The following PCDH11Y variants were observed in gnomAD, a reference collection of about 807,000 sequenced individuals.
The protein encoded by PCDH11Y is protocadherin-11 Y-linked.
For missense variants in PCDH11Y, 12 were observed against 224.8 expected, an observed-to-expected ratio of 0.05 and a Z score of 6.05; for synonymous variants, 9 against 83.6, an observed-to-expected ratio of 0.11 and a Z score of 4.87.
intron 4 of PCDH11Y, among the ~76,000 whole-genome samples, chrY:5,662,789 G>T: frequency 3.4e-5 from 1 of 29,557 alleles, no homozygotes; most frequent in Non-Finnish European, 8.0e-5. Context: ...TTGGTATCAG[G>T]GTCATTATTT....
chrY:5,232,260 G>A, intron 2 of PCDH11Y, among the ~76,000 whole-genome samples: 1 of 32,843 alleles, frequency 3.0e-5, no homozygotes, highest in Non-Finnish European at 7.5e-5. Context: ...CAGGAGTTTT[G>A]CCCCAGAGCC....
At chrY:5,458,130 G>A in intron 2 of PCDH11Y, among the ~76,000 whole-genome samples, 1 of 32,668 alleles carries the variant, frequency 3.1e-5, no homozygotes, top group East Asian at 8.0e-4. Flanking sequence ...GGGTCCTCAA[G>A]TTTTGGCACA....
chrY:5,046,004 T>C, intron 3 of PCDH11Y, among the ~76,000 whole-genome samples: 1 of 33,163 alleles, frequency 3.0e-5, no homozygotes, highest in African/African-American at 1.2e-4. Flanking sequence ...ATTCTAGTTA[T>C]ACATTCTTCT....
intron 4 of PCDH11Y, among the ~76,000 whole-genome samples, chrY:5,736,787 T>G (rs2124715825): frequency 3.1e-5 from 1 of 32,616 alleles, no homozygotes; most frequent in Non-Finnish European, 7.5e-5. Context: ...TTCTTGAAAC[T>G]AAGGCATATC....
intron 1 of PCDH11Y, among the ~76,000 whole-genome samples, chrY:5,014,470 A>G (rs2052557790): frequency 3.0e-5 from 1 of 33,029 alleles, no homozygotes; most frequent in East Asian, 7.8e-4. Context: ...ATGTATTAAC[A>G]TAACTATACA....
chrY:5,355,390 G>A (rs2124670827), intron 2 of PCDH11Y, among the ~76,000 whole-genome samples: 1 of 31,856 alleles, frequency 3.1e-5, no homozygotes, highest in South Asian at 7.1e-4. Flanking sequence ...CAAGCACATT[G>A]CTTTGTGATA....
At chrY:5,685,903 A>G in intron 4 of PCDH11Y, among the ~76,000 whole-genome samples, 1 of 33,844 alleles carries the variant, frequency 3.0e-5, no homozygotes, top group Non-Finnish European at 7.4e-5. Context: ...TACATATTTT[A>G]AAAGTACTAA....
At chrY:5,335,738 T>TAA (rs776144601) in intron 2 of PCDH11Y, among the ~76,000 whole-genome samples, 1 of 9,592 alleles carries the variant, frequency 1.0e-4, no homozygotes, top group East Asian at 2.7e-3. Context: ...CACCTAACGC[T>TAA]AAAAAAAAAA....
intron 4 of PCDH11Y, among the ~76,000 whole-genome samples, chrY:5,619,687 G>A: frequency 3.0e-5 from 1 of 32,855 alleles, no homozygotes; most frequent in South Asian, 6.7e-4. Flanking sequence ...TCAGACACTT[G>A]TAATAACATA....
intron 2 of PCDH11Y, among the ~76,000 whole-genome samples, chrY:5,480,789 G>A (rs2053324960): frequency 2.9e-5 from 1 of 33,924 alleles, no homozygotes; most frequent in African/African-American, 1.2e-4. Flanking sequence ...GGCCACAGCC[G>A]TTTTGCTGCA....
At chrY:5,466,747 G>A in intron 2 of PCDH11Y, among the ~76,000 whole-genome samples, 5 of 32,909 alleles carry the variant, frequency 1.5e-4, no homozygotes, top group African/African-American at 2.4e-4. Flanking sequence ...CAGTGAACTC[G>A]TGTGGCTCAT....
At chrY:5,198,217 G>A in intron 2 of PCDH11Y, among the ~76,000 whole-genome samples, 1 of 20,153 alleles carries the variant, frequency 5.0e-5, no homozygotes, top group Admixed American at 4.9e-4. Flanking sequence ...GCAGGATCTC[G>A]GCTCATTGCA....
intron 2 of PCDH11Y, among the ~76,000 whole-genome samples, chrY:5,308,995 G>A: frequency 6.5e-5 from 2 of 30,610 alleles, no homozygotes; most frequent in African/African-American, 1.3e-4. Flanking sequence ...CAGGAGAATC[G>A]CTTGAACCAG....
chrY:5,258,588 A>C, intron 2 of PCDH11Y, among the ~76,000 whole-genome samples: 1 of 30,945 alleles, frequency 3.2e-5, no homozygotes, highest in East Asian at 8.6e-4. Flanking sequence ...CATTTTATTT[A>C]ATTTCCCTGT....
At chrY:5,573,663 C>T in intron 3 of PCDH11Y, 1 of 250,453 alleles carries the variant, frequency 4.0e-6, no homozygotes, top group Non-Finnish European at 6.6e-6. Context: ...GCTGGCGATG[C>T]GCCAGTCTGT....
At chrY:5,217,406 T>A (rs1602888036) in intron 2 of PCDH11Y, among the ~76,000 whole-genome samples, 25 of 33,749 alleles carry the variant, frequency 7.4e-4, no homozygotes, top group African/African-American at 2.9e-3. Context: ...ACAGCTAATA[T>A]GTGGTGGAGC....
intron 3 of PCDH11Y, among the ~76,000 whole-genome samples, chrY:5,521,586 G>A: frequency 2.9e-4 from 9 of 31,339 alleles, no homozygotes; most frequent in African/African-American, 1.1e-3. Flanking sequence ...TTTAACATGT[G>A]TTTATCAGAA....
At chrY:5,428,343 T>C (rs2124680269) in intron 2 of PCDH11Y, among the ~76,000 whole-genome samples, 1 of 33,966 alleles carries the variant, frequency 2.9e-5, no homozygotes, top group African/African-American at 1.1e-4. Context: ...ATAGACTTTT[T>C]CTGTTTTTAA....
intron 3 of PCDH11Y, among the ~76,000 whole-genome samples, chrY:5,550,269 G>A (rs2053417539): frequency 3.1e-5 from 1 of 32,490 alleles, no homozygotes; most frequent in South Asian, 6.7e-4. Context: ...TACTCTGTAC[G>A]CACAAAAATT....
Sources: allele counts gnomAD v4.1 joint callset (sites outside exome capture counted in the v4.1 genomes callset), GRCh38; gene constraint gnomAD v4.1.1; transcripts MANE v1.5; gene names NCBI Gene and HGNC (gene_info 2026-07-23, HGNC 2026-07-21).